The following RBFOX1 variants were observed in gnomAD, a reference collection of about 807,000 sequenced individuals.
The protein encoded by RBFOX1 is RNA binding fox-1 homolog 1, also known as RNA binding protein fox-1 homolog 1.
A neutral mutation model predicts 57.7 loss-of-function variants in RBFOX1; 8 were observed. The ratio of observed to expected loss-of-function variants is 0.14; its 90% CI spans 0.08 to 0.25. The LOEUF (loss-of-function observed/expected upper bound fraction) is 0.25. Among genes scored for constraint, RBFOX1 ranks in the 10% least tolerant of loss-of-function variants. RBFOX1 has a pLI of 1.00. For synonymous variants in RBFOX1, 326 were observed against 222.4 expected (o/e 1.47, Z -4.15); for missense variants, 611 against 548.5 (o/e 1.11, Z -1.14).
chr16:6,188,958 T>G (rs13333761), intron 1 of RBFOX1, among the ~76,000 whole-genome samples: 2 of 151,966 alleles, frequency 1.3e-5, no homozygotes, highest in South Asian at 4.1e-4. Flanking sequence ...CAAATGAGAC[T>G]CCAAGTGCAG....
chr16:6,895,073 AAAT>A lies in RBFOX1; in HGVS notation c.-15-156980_-15-156978del, dbSNP rs574613209. On this transcript the variant is annotated intron_variant, in intron 3 of 15. Transcript: ENST00000550418. ...GGCTGTAGATAAATACATCTTTAATAAATAATCTAATGACTTAAAGAAATAAAG... is the reference window on the plus strand; with the variant it reads ...GGCTGTAGATAAATACATCTTTAATAAATCTAATGACTTAAAGAAATAAAG... 1.8e-3 allele frequency among the ~76,000 whole-genome samples: 281 copies of A among 152,276 alleles called. 2 individuals are homozygous for A. Among genetic ancestry groups the A allele is most frequent in the African/African-American group, 6.5e-3 (271 of 41,572 alleles).
intron 4 of RBFOX1, among the ~76,000 whole-genome samples, chr16:7,271,680 C>T (rs547408394): frequency 2.0e-5 from 3 of 152,158 alleles, no homozygotes; most frequent in Admixed American, 6.5e-5. Context: ...TGCCAGATGT[C>T]GGGAAACAGT....
intron 3 of RBFOX1, among the ~76,000 whole-genome samples, chr16:5,635,839 C>G (rs2048666473): frequency 6.6e-6 from 1 of 152,046 alleles, no homozygotes; most frequent in Non-Finnish European, 1.5e-5. Flanking sequence ...TATTTGATTT[C>G]TATCATGCAT....
At chr16:6,170,058 C>T (rs1040214004) in intron 1 of RBFOX1, among the ~76,000 whole-genome samples, 1 of 152,102 alleles carries the variant, frequency 6.6e-6, no homozygotes, top group African/African-American at 2.4e-5. Flanking sequence ...ATGATCTTAT[C>T]GACCTATTAA....
intron 4 of RBFOX1, among the ~76,000 whole-genome samples, chr16:5,976,872 A>G (rs576477524): frequency 7.9e-5 from 12 of 152,306 alleles, no homozygotes; most frequent in East Asian, 1.9e-4. Context: ...CTGTCAATCA[A>G]TGTATCAATA....
intron 3 of RBFOX1, among the ~76,000 whole-genome samples, chr16:5,809,045 C>G (rs1373919587): frequency 6.6e-6 from 1 of 152,152 alleles, no homozygotes; most frequent in African/African-American, 2.4e-5. Flanking sequence ...TGGTCTTTGA[C>G]AAACCTGAGA....
intron 4 of RBFOX1, among the ~76,000 whole-genome samples, chr16:7,413,214 C>G (rs915734876): frequency 1.3e-5 from 2 of 152,128 alleles, no homozygotes; most frequent in East Asian, 3.9e-4. Flanking sequence ...CATTGAGACA[C>G]CTTGACATCA....
intron 1 of RBFOX1, among the ~76,000 whole-genome samples, chr16:5,305,816 G>T (rs955980148): frequency 3.9e-5 from 6 of 152,140 alleles, no homozygotes; most frequent in Non-Finnish European, 7.4e-5. Context: ...CCAGCAAGTC[G>T]GGAGGCCTAG....
At chr16:6,763,262 C>G (rs1265003089) in intron 3 of RBFOX1, among the ~76,000 whole-genome samples, 5 of 152,188 alleles carry the variant, frequency 3.3e-5, no homozygotes, top group Admixed American at 6.5e-5. Flanking sequence ...TGGTTTATCA[C>G]AATTTCCTCC....
At position 7,499,566 on chromosome 16, in the gene RBFOX1, G is replaced by C. The variant is rs186069914; in HGVS notation, c.28-18581G>C. 5.3e-5 allele frequency among the ~76,000 whole-genome samples: 8 copies of C among 152,226 alleles called. No individual in the cohort carries two copies. The East Asian group carries it at 1.4e-3, about 26-fold the overall frequency. On this transcript the variant is annotated intron_variant, in intron 4 of 15. Coordinates refer to ENST00000550418, the MANE Select transcript of RBFOX1 (RefSeq NM_018723.4). ...AAATTGAGTATAAAGATAATTTTTG[G>C]CTACATTGACTGGATTCCAAGAATC...
intron 3 of RBFOX1, among the ~76,000 whole-genome samples, chr16:6,929,789 TA>T (rs1263691705): frequency 6.6e-6 from 1 of 152,220 alleles, no homozygotes; most frequent in Non-Finnish European, 1.5e-5. Flanking sequence ...TAGCTTTTTT[TA>T]TTGTATTCAA....
At chr16:6,988,182 G>A (rs1396984541) in intron 3 of RBFOX1, among the ~76,000 whole-genome samples, 1 of 152,136 alleles carries the variant, frequency 6.6e-6, no homozygotes, top group Non-Finnish European at 1.5e-5. Flanking sequence ...TTTTAGAAGT[G>A]TCCTAATGGT....
At chr16:5,712,753 G>A (rs186024100) in intron 3 of RBFOX1, among the ~76,000 whole-genome samples, 153 of 152,298 alleles carry the variant, frequency 1.0e-3, no homozygotes, top group Non-Finnish European at 1.7e-3. Flanking sequence ...GAAGCCAGTG[G>A]TTAGATGATC....
chr16:6,746,513 C>G (rs1030208902), intron 3 of RBFOX1, among the ~76,000 whole-genome samples: 16 of 151,942 alleles, frequency 1.1e-4, no homozygotes, highest in Non-Finnish European at 2.1e-4. Flanking sequence ...CTCATCTCAA[C>G]AAAAAATACA....
intron 2 of RBFOX1, among the ~76,000 whole-genome samples, chr16:5,503,642 C>T (rs1238221243): frequency 6.6e-6 from 1 of 152,104 alleles, no homozygotes. Flanking sequence ...TGAGGTTTCC[C>T]CATGTTGGTC....
At chr16:6,803,377 T>C (rs937048867) in intron 3 of RBFOX1, among the ~76,000 whole-genome samples, 2 of 152,132 alleles carry the variant, frequency 1.3e-5, no homozygotes, top group African/African-American at 4.8e-5. Context: ...AAGAACAATC[T>C]GCAGGCACAA....
chr16:6,698,388 T>G (rs1446021269), intron 3 of RBFOX1, among the ~76,000 whole-genome samples: 1 of 152,188 alleles, frequency 6.6e-6, no homozygotes, highest in East Asian at 1.9e-4. Context: ...ATGGATGGTT[T>G]AGCTACAAAA....
intron 2 of RBFOX1, among the ~76,000 whole-genome samples, chr16:6,479,046 C>T (rs2095328813): frequency 6.6e-6 from 1 of 152,064 alleles, no homozygotes; most frequent in Non-Finnish European, 1.5e-5. Context: ...GCAATATCTG[C>T]AAAGCATGAT....
chr16:5,296,167 A>C (rs1420205350), intron 1 of RBFOX1, among the ~76,000 whole-genome samples: 1 of 151,992 alleles, frequency 6.6e-6, no homozygotes, highest in African/African-American at 2.4e-5. Flanking sequence ...TCTTTTTTCC[A>C]ATCTGACTTG....
Sources: allele counts gnomAD v4.1 joint callset (sites outside exome capture counted in the v4.1 genomes callset), GRCh38; gene constraint gnomAD v4.1.1; transcripts MANE v1.5; gene names NCBI Gene and HGNC (gene_info 2026-07-23, HGNC 2026-07-21).